Variants in RIGI observed in about 807,000 individuals in gnomAD.
RIGI encodes RNA sensor RIG-I.
At chr9:32,490,208 C>G in the RIGI span, among the ~76,000 whole-genome samples, 2 of 152,026 alleles carry the variant, frequency 1.3e-5, no homozygotes, top group African/African-American at 4.8e-5. Flanking sequence ...ATCCCCACCT[C>G]TCCAAAAAAA....
chr9:32,492,339 G>A, the RIGI span: 2 of 1,601,794 alleles, frequency 1.2e-6, no homozygotes, highest in Admixed American at 3.4e-5. Flanking sequence ...TAAAAGACCG[G>A]TTGGAATGAG....
the RIGI span, chr9:32,500,682 G>A: frequency 8.5e-7 from 1 of 1,182,966 alleles, no homozygotes; most frequent in Non-Finnish European, 1.2e-6. Flanking sequence ...TCTTTACATT[G>A]TCTCAGACTA....
chr9:32,483,571 A>G, the RIGI span, among the ~76,000 whole-genome samples: 2 of 151,992 alleles, frequency 1.3e-5, no homozygotes, highest in Non-Finnish European at 2.9e-5. Context: ...TAATATGACA[A>G]TCTCCAAACT....
the RIGI span, chr9:32,456,545 G>A: frequency 6.5e-6 from 1 of 154,354 alleles, no homozygotes; most frequent in African/African-American, 2.4e-5. Flanking sequence ...TGAACCCTTG[G>A]AAGGGATCAG....
the RIGI span, chr9:32,489,518 G>T: frequency 1.1e-6 from 1 of 915,352 alleles, no homozygotes; most frequent in Non-Finnish European, 1.7e-6. Flanking sequence ...AATAGCTACA[G>T]TCTAATGTCC....
chr9:32,502,168 C>T, the RIGI span, among the ~76,000 whole-genome samples: 1 of 152,160 alleles, frequency 6.6e-6, no homozygotes, highest in Admixed American at 6.5e-5. Context: ...TAAGGTTTAA[C>T]CATGTTGTAG....
At chr9:32,474,773 T>C in the RIGI span, among the ~76,000 whole-genome samples, 2 of 152,238 alleles carry the variant, frequency 1.3e-5, no homozygotes, top group South Asian at 2.1e-4. Flanking sequence ...CTCACAGATA[T>C]TGTAAGATAA....
the RIGI span, among the ~76,000 whole-genome samples, chr9:32,525,199 G>A: frequency 0.012 from 1,788 of 152,210 alleles, 39 homozygotes; most frequent in African/African-American, 0.041. Flanking sequence ...TCCACTAGAG[G>A]CAAGGTGCCC....
At chr9:32,493,581 C>A in the RIGI span, among the ~76,000 whole-genome samples, 1 of 152,064 alleles carries the variant, frequency 6.6e-6, no homozygotes, top group African/African-American at 2.4e-5. Flanking sequence ...CGAGATCACA[C>A]CATTGCACTC....
the RIGI span, among the ~76,000 whole-genome samples, chr9:32,511,677 G>A: frequency 6.6e-6 from 1 of 152,010 alleles, no homozygotes; most frequent in African/African-American, 2.4e-5. Context: ...AAGAACCAGA[G>A]AAGCAAGAGC....
At chr9:32,481,635 T>C in the RIGI span, 1 of 632,978 alleles carries the variant, frequency 1.6e-6, no homozygotes, top group African/African-American at 1.9e-5. Context: ...GCCCAGGCTG[T>C]AGTACAATGG....
the RIGI span, among the ~76,000 whole-genome samples, chr9:32,500,081 T>G: frequency 1.3e-5 from 2 of 152,206 alleles, no homozygotes; most frequent in African/African-American, 4.8e-5. Flanking sequence ...CAATGGTCAG[T>G]TTGTCAATGC....
the RIGI span, chr9:32,491,485 C>G: frequency 7.3e-7 from 1 of 1,363,720 alleles, no homozygotes; most frequent in Non-Finnish European, 1.0e-6. Context: ...ATGGTGAAAG[C>G]TCCACAAAAT....
chr9:32,485,985 A>G, the RIGI span, among the ~76,000 whole-genome samples: 2 of 152,082 alleles, frequency 1.3e-5, no homozygotes, highest in Non-Finnish European at 2.9e-5. Flanking sequence ...ATTCACACTG[A>G]TCCTACCATT....
the RIGI span, chr9:32,488,966 C>A: frequency 8.4e-7 from 1 of 1,196,912 alleles, no homozygotes; most frequent in South Asian, 1.7e-5. Context: ...ATTTTTGGCT[C>A]TTCTAATACC....
the RIGI span, among the ~76,000 whole-genome samples, chr9:32,495,640 G>A: frequency 6.8e-6 from 1 of 146,564 alleles, no homozygotes; most frequent in African/African-American, 2.5e-5. Context: ...TTGGATAAAT[G>A]TCTATTCAAG....
the RIGI span, among the ~76,000 whole-genome samples, chr9:32,521,139 C>CA: frequency 5.0e-3 from 163 of 32,528 alleles, 4 homozygotes; most frequent in East Asian, 8.2e-3. Context: ...GACACCATCT[C>CA]AAAAAAAAAA....
the RIGI span, chr9:32,526,106 C>A: frequency 6.2e-7 from 1 of 1,613,964 alleles, no homozygotes; most frequent in Admixed American, 1.7e-5. Context: ...TAGGTAGGGT[C>A]CAGGGTCTTC....
At chr9:32,471,836 T>G in the RIGI span, among the ~76,000 whole-genome samples, 1 of 152,206 alleles carries the variant, frequency 6.6e-6, no homozygotes, top group East Asian at 1.9e-4. Flanking sequence ...AAATATGGTG[T>G]TAGACTTCAT....
Sources: allele counts gnomAD v4.1 joint callset (sites outside exome capture counted in the v4.1 genomes callset), GRCh38; gene constraint gnomAD v4.1.1; transcripts MANE v1.5; gene names NCBI Gene and HGNC (gene_info 2026-07-23, HGNC 2026-07-21).